Variants in SDK1 observed in about 807,000 individuals in gnomAD.
SDK1 encodes sidekick cell adhesion molecule 1, also known as protein sidekick-1.
Under a neutral mutation model 245.5 loss-of-function variants are expected in SDK1, and 157 were observed. The ratio of observed to expected loss-of-function variants is 0.64; its 90% CI spans 0.56 to 0.73. SDK1 has a LOEUF of 0.73. SDK1 is among the 30% of genes least tolerant of loss of function. The probability of loss-of-function intolerance (pLI) is 0.00; values close to 1 mark genes in which losing one functional copy is unlikely to be tolerated. For missense variants in SDK1, 3,583 were observed against 3,002.3 expected, an observed-to-expected ratio of 1.19 and a Z score of -4.52; for synonymous variants, 1,647 against 1,278.5, an observed-to-expected ratio of 1.29 and a Z score of -6.15.
intron 1 of SDK1, among the ~76,000 whole-genome samples, chr7:3,503,567 C>T (rs1019251512): frequency 2.0e-5 from 3 of 152,106 alleles, no homozygotes; most frequent in African/African-American, 7.2e-5. Flanking sequence ...GTCCTAGCTA[C>T]TCAGTAGGCT....
intron 1 of SDK1, among the ~76,000 whole-genome samples, chr7:3,591,980 G>A (rs1357641262): frequency 6.6e-6 from 1 of 152,124 alleles, no homozygotes; most frequent in Non-Finnish European, 1.5e-5. Flanking sequence ...TGACAAACAA[G>A]GCTACAGATA....
intron 7 of SDK1, 46 bp downstream of exon 7, chr7:3,951,966 A>G: frequency 2.6e-6 from 4 of 1,526,378 alleles, no homozygotes; most frequent in Non-Finnish European, 1.8e-6. Flanking sequence ...CTCAGATAGC[A>G]TCCGACACTG....
intron 19 of SDK1, among the ~76,000 whole-genome samples, chr7:4,053,290 C>A (rs78148007): frequency 1.3e-5 from 2 of 151,928 alleles, no homozygotes; most frequent in African/African-American, 4.8e-5. Context: ...TTTGCAGAGG[C>A]CAAGGCCACC....
chr7:4,095,408 G>A lies in SDK1; in HGVS notation c.3325-15255G>A, dbSNP rs575758642. Among the ~76,000 whole-genome samples the A allele has an allele frequency of 1.6e-4, 24 of 152,186 alleles. No individual in the cohort carries two copies. In the East Asian group the frequency reaches 2.9e-3, roughly 18 times the overall value. ...TAGCCAACCCATTTGGTGGGAGTCCGGGTTTCTGAAAAACAACTCAGGGAC... is the reference window on the plus strand; with the variant it reads ...TAGCCAACCCATTTGGTGGGAGTCCAGGTTTCTGAAAAACAACTCAGGGAC... On this transcript the variant is annotated intron_variant, in intron 22 of 44. Transcript: ENST00000404826.
At chr7:3,396,727 A>G (rs971073565) in intron 1 of SDK1, among the ~76,000 whole-genome samples, 3 of 151,506 alleles carry the variant, frequency 2.0e-5, no homozygotes, top group East Asian at 3.9e-4. Flanking sequence ...TTTTCAACTG[A>G]TCTGTATCTT....
intron 5 of SDK1, among the ~76,000 whole-genome samples, chr7:3,902,015 A>G (rs911732253): frequency 6.6e-6 from 1 of 152,148 alleles, no homozygotes; most frequent in Non-Finnish European, 1.5e-5. Context: ...TAGCACAACA[A>G]GCTGCTCCAG....
intron 14 of SDK1, among the ~76,000 whole-genome samples, chr7:4,000,625 A>G (rs567643732): frequency 3.3e-5 from 5 of 152,286 alleles, no homozygotes; most frequent in African/African-American, 1.2e-4. Context: ...TCTGTTCAAC[A>G]TCTCCATCCC....
intron 1 of SDK1, among the ~76,000 whole-genome samples, chr7:3,343,466 G>C (rs891896754): frequency 5.3e-5 from 8 of 152,164 alleles, no homozygotes; most frequent in African/African-American, 1.9e-4. Context: ...TCTAGAACTG[G>C]ATTAGTGGCT....
chr7:4,136,795 C>T (rs751117192), intron 28 of SDK1, among the ~76,000 whole-genome samples: 4 of 152,232 alleles, frequency 2.6e-5, no homozygotes, highest in African/African-American at 7.2e-5. Context: ...AAGCTTATTA[C>T]GAAGGGTGTG....
At chr7:3,736,874 C>G (rs957097948) in intron 4 of SDK1, among the ~76,000 whole-genome samples, 13 of 152,198 alleles carry the variant, frequency 8.5e-5, no homozygotes, top group African/African-American at 1.7e-4. Context: ...CACGCTGTAG[C>G]TTAGATCCTC....
chr7:3,514,906 A>G lies in SDK1; in HGVS notation c.299-104174A>G, dbSNP rs147411127. 7.1e-3 allele frequency among the ~76,000 whole-genome samples: 1,079 copies of G among 152,252 alleles called. 17 individuals are homozygous for G. The highest frequency in any genetic ancestry group is 0.018 in the South Asian group (88 of 4,826). Reference sequence around the variant, plus strand: ...CGCTCTCTCTCTCTTTCTCTCTTTCACTCATTTAAGTGTGACAAGAGCAAA... The same window carrying G: ...CGCTCTCTCTCTCTTTCTCTCTTTCGCTCATTTAAGTGTGACAAGAGCAAA... On this transcript the variant is annotated intron_variant, in intron 1 of 44. Coordinates refer to ENST00000404826, the MANE Select transcript of SDK1 (RefSeq NM_152744.4).
At chr7:3,327,151 C>T (rs1403242848) in intron 1 of SDK1, among the ~76,000 whole-genome samples, 1 of 152,122 alleles carries the variant, frequency 6.6e-6, no homozygotes, top group East Asian at 1.9e-4. Context: ...AGAATATTGA[C>T]AAATGAGCAT....
In SDK1 at chr7:4,049,386, G is replaced by A. The variant is rs752599311; in HGVS notation, c.2641G>A (p.Val881Met). Residue 881 changes from valine (V) to methionine (M), a missense_variant, in exon 18 of 45, where the codon GTG (valine) becomes ATG (methionine). Transcript: ENST00000404826. The part of the protein sequence containing the change: ...APPQNVQTEA[V>M]NSTTIQFLWN... ...CCCGCAGAACGTGCAGACGGAAGCC[G>A]TGAACTCCACCACCATTCAGTTCCT... is the stretch of plus-strand genomic sequence containing the variant. 19 of 1,613,944 alleles carry A rather than the reference G, an allele frequency of 1.2e-5. No individual in the cohort carries two copies. The highest frequency in any genetic ancestry group is 8.9e-5 in the East Asian group (4 of 44,884).
chr7:4,246,260 G>C (rs913636122), intron 44 of SDK1, among the ~76,000 whole-genome samples: 1 of 152,144 alleles, frequency 6.6e-6, no homozygotes, highest in Admixed American at 6.5e-5. Flanking sequence ...CTGGGTGCCA[G>C]CAGGCTGAGT....
intron 4 of SDK1, among the ~76,000 whole-genome samples, chr7:3,696,752 A>T (rs917836450): frequency 3.3e-5 from 5 of 152,076 alleles, no homozygotes; most frequent in African/African-American, 9.7e-5. Context: ...ATTATTTTTG[A>T]GTTGTGTCAG....
intron 1 of SDK1, among the ~76,000 whole-genome samples, chr7:3,313,037 A>G (rs930172225): frequency 1.3e-5 from 2 of 152,228 alleles, no homozygotes; most frequent in Non-Finnish European, 2.9e-5. Context: ...TGATTGAATA[A>G]TAACATCAAA....
chr7:3,516,179 G>C (rs1281335672), intron 1 of SDK1, among the ~76,000 whole-genome samples: 1 of 147,682 alleles, frequency 6.8e-6, no homozygotes, highest in African/African-American at 2.5e-5. Context: ...ATATATACAT[G>C]CACATACATT....
chr7:4,143,751 A>T (rs1812037), intron 28 of SDK1, among the ~76,000 whole-genome samples: 79,837 of 151,990 alleles, frequency 0.53, 21,295 homozygotes, highest in East Asian at 0.78. Context: ...TGCTTCTCCC[A>T]GGAAGAGTAG....
intron 4 of SDK1, among the ~76,000 whole-genome samples, chr7:3,724,870 G>C (rs1778964939): frequency 6.6e-6 from 1 of 152,204 alleles, no homozygotes; most frequent in African/African-American, 2.4e-5. Context: ...AAGAGAACTT[G>C]TCACATGGCC....
Sources: gnomAD v4.1 joint callset for allele counts (sites outside exome capture counted in the v4.1 genomes callset) on GRCh38, gnomAD v4.1.1 for gene constraint, MANE v1.5 for transcripts, NCBI Gene and HGNC (gene_info 2026-07-23, HGNC 2026-07-21) for gene names.